The following DST variants were observed in gnomAD, a reference collection of about 807,000 sequenced individuals.
DST encodes the protein bullous pemphigoid antigen.
DST carries 253 observed loss-of-function variants against 875.2 expected under a neutral mutation model. The ratio of observed to expected loss-of-function variants is 0.29; its 90% CI spans 0.26 to 0.32. DST has a LOEUF of 0.32. Among genes scored for constraint, DST ranks in the 10% least tolerant of loss-of-function variants. The pLI is 1.00. For missense variants in DST, 8,287 were observed against 9,111.6 expected (o/e 0.91, Z 3.68); for synonymous variants, 3,124 against 3,197.1 (o/e 0.98, Z 0.77).
chr6:56,652,167 G>A lies in DST; in HGVS notation c.1215-923C>T, dbSNP rs139440333. Among the ~76,000 whole-genome samples, 895 of 152,224 alleles carry A rather than the reference G, an allele frequency of 5.9e-3. 4 individuals carry two copies. Among genetic ancestry groups the A allele is most frequent in the African/African-American group, 0.021 (853 of 41,520 alleles). ...TATCTTTATAATTTGTGAGATTTAC[G>A]TAACACCCTAAACCATGCAGAAACT... On this transcript the variant is annotated intron_variant, in intron 10 of 103. Transcript: ENST00000680361.
At chr6:56,951,443 T>C (rs1484015420) in intron 2 of DST, among the ~76,000 whole-genome samples, 1 of 152,260 alleles carries the variant, frequency 6.6e-6, no homozygotes, top group Non-Finnish European at 1.5e-5. Context: ...AGAATATTCA[T>C]TATGCTACAC....
chr6:56,475,265 G>C (rs2095122467), intron 92 of DST, among the ~76,000 whole-genome samples: 1 of 152,056 alleles, frequency 6.6e-6, no homozygotes, highest in Non-Finnish European at 1.5e-5. Context: ...CCAGACAAAA[G>C]GGAAAAGTGA....
Position 56,526,371 on chromosome 6 carries a change from C to T in DST, c.18119G>A (p.Arg6040Gln), listed in dbSNP as rs376690317. 3.3e-5 allele frequency: 53 copies of T among 1,613,552 alleles called. No homozygotes were observed. Among genetic ancestry groups the T allele is most frequent in the African/African-American group, 1.1e-4 (8 of 74,896 alleles). Residue 6040 changes from arginine (R) to glutamine (Q), a missense_variant, in exon 69 of 104, where the codon CGA becomes CAA. Transcript: ENST00000680361. ...KVEEIDAAIL[R>Q]SQQFDQAADA... ...ACCATTTTTCCCTACCTGCTGTGATCGCAGAATGGCTGCATCGATCTCCTC... is the reference window on the plus strand; with the variant it reads ...ACCATTTTTCCCTACCTGCTGTGATTGCAGAATGGCTGCATCGATCTCCTC...
chr6:56,833,099 G>A (rs991970597), intron 4 of DST, among the ~76,000 whole-genome samples: 1 of 152,140 alleles, frequency 6.6e-6, no homozygotes, highest in African/African-American at 2.4e-5. Context: ...ATCGCAAGAC[G>A]AACAACCAAG....
intron 9 of DST, among the ~76,000 whole-genome samples, chr6:56,674,171 A>C (rs2152832974): frequency 6.6e-6 from 1 of 152,172 alleles, no homozygotes; most frequent in African/African-American, 2.4e-5. Context: ...TCCCTTCAAA[A>C]CCCGGAGGCA....
intron 4 of DST, among the ~76,000 whole-genome samples, chr6:56,827,955 A>T (rs1174689953): frequency 6.6e-6 from 1 of 152,150 alleles, no homozygotes; most frequent in Non-Finnish European, 1.5e-5. Context: ...ACACATACAC[A>T]GAGACCCACC....
At chr6:56,874,759 AAAT>A (rs1357623475) in intron 3 of DST, among the ~76,000 whole-genome samples, 1 of 152,236 alleles carries the variant, frequency 6.6e-6, no homozygotes, top group Non-Finnish European at 1.5e-5. Context: ...GATCTCGAAG[AAAT>A]AATAAAATTA....
chr6:56,620,515 T>C, intron 36 of DST: 1 of 1,614,096 alleles, frequency 6.2e-7, no homozygotes. Context: ...TCTGCTGCTT[T>C]CTCAATTCAT....
At chr6:56,783,415 G>A (rs2099698381) in intron 4 of DST, among the ~76,000 whole-genome samples, 1 of 152,022 alleles carries the variant, frequency 6.6e-6, no homozygotes, top group Non-Finnish European at 1.5e-5. Flanking sequence ...CTCCTGTATT[G>A]GGTGCATATA....
intron 36 of DST, chr6:56,614,846 T>G: frequency 1.0e-6 from 1 of 995,382 alleles, no homozygotes. Context: ...AAAGGTACCA[T>G]AGAAGGCTGA....
At chr6:56,542,713 G>A (rs888667243) in intron 61 of DST, 1 of 152,676 alleles carries the variant, frequency 6.5e-6, no homozygotes, top group African/African-American at 2.4e-5. Context: ...GGAGCTCCGG[G>A]GCTGTCCGCG....
chr6:56,500,028 C>G (rs758645484), intron 80 of DST, among the ~76,000 whole-genome samples: 4 of 151,842 alleles, frequency 2.6e-5, no homozygotes, highest in Non-Finnish European at 2.9e-5. Context: ...TGTAGATAGA[C>G]AAGGTAATAG....
chr6:56,532,018 A>G (rs2096904355), intron 64 of DST, among the ~76,000 whole-genome samples: 1 of 152,206 alleles, frequency 6.6e-6, no homozygotes, highest in African/African-American at 2.4e-5. Flanking sequence ...ATCTGATGAC[A>G]GAGATGATCT....
At chr6:56,768,208 T>TA (rs2099639268) in intron 4 of DST, among the ~76,000 whole-genome samples, 1 of 152,114 alleles carries the variant, frequency 6.6e-6, no homozygotes, top group Non-Finnish European at 1.5e-5. Context: ...TTCTAAGGTA[T>TA]AAAAAATTAT....
At chr6:56,855,466 A>T (rs1190660145) in intron 3 of DST, among the ~76,000 whole-genome samples, 1 of 152,208 alleles carries the variant, frequency 6.6e-6, no homozygotes, top group African/African-American at 2.4e-5. Flanking sequence ...GACAGCAGTC[A>T]TCGGGGTGGG....
rs750344616 is a variant in DST at position 56,648,580 on chromosome 6, A to G, written c.1544T>C (p.Val515Ala). 2 of 1,579,052 alleles carry G rather than the reference A, an allele frequency of 1.3e-6. No homozygotes were observed. Among genetic ancestry groups the G allele is most frequent in the South Asian group, 1.2e-5 (1 of 86,102 alleles). The stretch of plus-strand genomic sequence containing the variant: ...TACAGTGACACTAACCTTCAGTTCT[A>G]CAGGATTATTAGGAAATGTTCTCTC... ...MSERTFPNNP[V>A]ELKALYNQYL... Residue 515 changes from valine (V) to alanine (A), a missense_variant, in exon 13 of 104, where the codon GTA (valine) becomes GCA (alanine). By Grantham distance (64) the Val-to-Ala change is moderately conservative. Coordinates refer to ENST00000680361, the MANE Select transcript of DST (RefSeq NM_001374736.1).
rs112741355 is a variant in DST, at chr6:56,867,831, C to CA, written c.418-16228dup. On this transcript the variant is annotated intron_variant, in intron 3 of 103. Coordinates refer to ENST00000680361, the MANE Select transcript of DST (RefSeq NM_001374736.1). ...CTGGCGACAGAGCGAGACTCCGTCT[C>CA]AAAAAAAAAAAAAATAGTAGGGCTC... is the stretch of plus-strand genomic sequence containing the variant. 7.0e-3 allele frequency among the ~76,000 whole-genome samples: 890 copies of CA among 127,056 alleles called. 1 individual carries two copies. The highest frequency in any genetic ancestry group is 0.017 in the Middle Eastern group (4 of 238). 83.4% of individuals were successfully genotyped at this position (127,056 alleles called of 152,430 possible).
At chr6:56,653,558 G>C (rs139981559) in intron 10 of DST, among the ~76,000 whole-genome samples, 2 of 152,010 alleles carry the variant, frequency 1.3e-5, no homozygotes, top group Admixed American at 1.3e-4. Context: ...GATGGCAGGC[G>C]CCTGTAATCC....
In DST at chr6:56,634,550, T is replaced by C; in HGVS notation, c.3406A>G (p.Ile1136Val). The stretch of plus-strand genomic sequence containing the variant: ...ATAGCCTCATTCCCAGTAGGACTAA[T>C]GACCTTCCATTTAGCACGATGAGAG... Reference protein sequence around the residue: ...NNSHRAKWKVISPTGNEAMVP... With the variant: ...NNSHRAKWKVVSPTGNEAMVP... The change falls in exon 26 of 104, where the codon ATT becomes GTT. Residue 1136 changes from isoleucine to valine, a missense_variant. Coordinates refer to ENST00000680361, the MANE Select transcript of DST (RefSeq NM_001374736.1). 6.2e-7 allele frequency: 1 copy of C among 1,614,226 alleles called. No homozygotes were observed. The highest frequency in any genetic ancestry group is 8.5e-7 in the Non-Finnish European group (1 of 1,180,024).
Sources: gnomAD v4.1 joint callset for allele counts (sites outside exome capture counted in the v4.1 genomes callset) on GRCh38, gnomAD v4.1.1 for gene constraint, MANE v1.5 for transcripts, NCBI Gene and HGNC (gene_info 2026-07-23, HGNC 2026-07-21) for gene names.